Variants in SMYD3 observed in about 807,000 individuals in gnomAD.
SMYD3 encodes SET and MYND domain containing 3, also known as histone-lysine N-methyltransferase SMYD3.
A neutral mutation model predicts 57.7 loss-of-function variants in SMYD3; 36 were observed. The ratio of observed to expected loss-of-function variants is 0.62; its 90% CI spans 0.48 to 0.82. The LOEUF is 0.82. Among genes scored for constraint, SMYD3 ranks in the 40% least tolerant of loss-of-function variants. The probability of loss-of-function intolerance (pLI) is 0.00; values close to 1 mark genes in which losing one functional copy is unlikely to be tolerated. For synonymous variants in SMYD3, 211 were observed against 195.0 expected (o/e 1.08, Z -0.68); for missense variants, 515 against 538.8 (o/e 0.96, Z 0.44).
At chr1:246,174,978 G>T (rs2062409381) in intron 5 of SMYD3, among the ~76,000 whole-genome samples, 1 of 152,188 alleles carries the variant, frequency 6.6e-6, no homozygotes, top group African/African-American at 2.4e-5. Flanking sequence ...ATTAATGAGA[G>T]TGTGGGTTAC....
At chr1:246,374,690 G>A (rs2066244133) in intron 1 of SMYD3, among the ~76,000 whole-genome samples, 1 of 152,170 alleles carries the variant, frequency 6.6e-6, no homozygotes, top group Non-Finnish European at 1.5e-5. Flanking sequence ...TAAATAAGGT[G>A]GCCGGGCATA....
intron 10 of SMYD3, among the ~76,000 whole-genome samples, chr1:245,796,318 C>T (rs1046754740): frequency 6.6e-6 from 1 of 150,858 alleles, no homozygotes; most frequent in East Asian, 1.9e-4. Context: ...ATGAAACATC[C>T]AAATTAATGG....
intron 5 of SMYD3, among the ~76,000 whole-genome samples, chr1:246,300,051 T>C (rs1057424923): frequency 6.6e-6 from 1 of 151,338 alleles, no homozygotes; most frequent in South Asian, 2.1e-4. Flanking sequence ...AAGTTTAACA[T>C]GTTCATACAA....
intron 5 of SMYD3, among the ~76,000 whole-genome samples, chr1:246,003,436 T>C (rs1020044018): frequency 6.6e-6 from 1 of 152,228 alleles, no homozygotes; most frequent in Admixed American, 6.5e-5. Context: ...GATATATTAT[T>C]GAGGAATATG....
chr1:245,909,357 C>T (rs1413409254), intron 8 of SMYD3, among the ~76,000 whole-genome samples: 1 of 152,124 alleles, frequency 6.6e-6, no homozygotes, highest in African/African-American at 2.4e-5. Flanking sequence ...GGCTTCACTG[C>T]TGAATTCTAC....
In SMYD3 at chr1:246,355,054, T is replaced by C; in HGVS notation, c.205A>G (p.Lys69Glu). The C allele has an allele frequency of 1.2e-6, 2 of 1,614,218 alleles. No individual in the cohort carries two copies. Among genetic ancestry groups the C allele is most frequent in the Non-Finnish European group, 1.7e-6 (2 of 1,180,044 alleles). The change falls in exon 2 of 12, where the codon AAA becomes GAA. Residue 69 changes from lysine (K) to glutamate (E), a missense_variant. Physicochemically the swap from Lys to Glu is moderately conservative, Grantham distance 56. Transcript: ENST00000490107. The surrounding 1 kb of genome is among the most constrained non-coding windows in gnomAD (Gnocchi z 5.0). ...ACCTGACACTTAGCACTACAGTATT[T>C]GGCGACGCGGCACTGAGAGCATCGC... The part of the protein sequence containing the change: ...LMRCSQCRVA[K>E]YCSAKCQKKA...
At chr1:245,952,476 T>C (rs1162937234) in intron 5 of SMYD3, among the ~76,000 whole-genome samples, 2 of 152,216 alleles carry the variant, frequency 1.3e-5, no homozygotes, top group Non-Finnish European at 2.9e-5. Context: ...TGCTTGATGA[T>C]AGTTCAGTCC....
intron 1 of SMYD3, among the ~76,000 whole-genome samples, chr1:246,488,512 C>A (rs1473120078): frequency 6.6e-6 from 1 of 152,156 alleles, no homozygotes; most frequent in Non-Finnish European, 1.5e-5. Flanking sequence ...CCTGGTGAAA[C>A]CCTGTCTCCA....
At chr1:246,205,688 C>T (rs962281389) in intron 5 of SMYD3, among the ~76,000 whole-genome samples, 7 of 152,174 alleles carry the variant, frequency 4.6e-5, no homozygotes, top group African/African-American at 1.2e-4. Context: ...GGCATGGTGG[C>T]GAGCGCCTGT....
At chr1:246,205,373 G>A (rs559562597) in intron 5 of SMYD3, among the ~76,000 whole-genome samples, 1 of 152,146 alleles carries the variant, frequency 6.6e-6, no homozygotes. Context: ...CTCCCTCCTG[G>A]AGTCCTTTCC....
chr1:246,217,183 A>G (rs1558322841), intron 5 of SMYD3, among the ~76,000 whole-genome samples: 1 of 152,148 alleles, frequency 6.6e-6, no homozygotes, highest in Non-Finnish European at 1.5e-5. Context: ...AATTAACCTG[A>G]GCAGGATCCA....
intron 1 of SMYD3, among the ~76,000 whole-genome samples, chr1:246,374,498 G>A (rs1202483466): frequency 1.3e-5 from 2 of 151,988 alleles, no homozygotes; most frequent in Non-Finnish European, 2.9e-5. Context: ...CATTTTTCTC[G>A]ATTTGACTGT....
chr1:245,827,542 C>T (rs1227051295), intron 10 of SMYD3, among the ~76,000 whole-genome samples: 1 of 152,198 alleles, frequency 6.6e-6, no homozygotes, highest in Non-Finnish European at 1.5e-5. Flanking sequence ...CTCCCACACG[C>T]ACTCCCGGTA....
intron 5 of SMYD3, among the ~76,000 whole-genome samples, chr1:245,964,198 A>AC (rs748179592): frequency 2.6e-5 from 4 of 152,170 alleles, no homozygotes; most frequent in Non-Finnish European, 5.9e-5. Context: ...GTGTGAACTA[A>AC]CAGAGCAAGA....
At chr1:246,163,336 T>C (rs553343694) in intron 5 of SMYD3, among the ~76,000 whole-genome samples, 5 of 152,358 alleles carry the variant, frequency 3.3e-5, no homozygotes, top group African/African-American at 9.6e-5. Context: ...CACAGCAATA[T>C]GTTCACGTCT....
chr1:246,349,443 C>G (rs774990933), intron 2 of SMYD3, among the ~76,000 whole-genome samples: 2 of 151,938 alleles, frequency 1.3e-5, no homozygotes, highest in Non-Finnish European at 2.9e-5. Context: ...CATCCCCACA[C>G]AAAATACAAA....
chr1:246,464,617 C>T (rs1346554076), intron 1 of SMYD3, among the ~76,000 whole-genome samples: 1 of 152,224 alleles, frequency 6.6e-6, no homozygotes, highest in Non-Finnish European at 1.5e-5. Flanking sequence ...GGTTTAGCCC[C>T]TCCTCTCCAC....
chr1:245,774,664 C>A (rs3000197), intron 10 of SMYD3, among the ~76,000 whole-genome samples: 2 of 130,036 alleles, frequency 1.5e-5, no homozygotes, highest in South Asian at 2.3e-4. Context: ...CTCTTTCCAC[C>A]GTCTCCCTCT....
At chr1:246,243,557 C>G (rs12126547) in intron 5 of SMYD3, among the ~76,000 whole-genome samples, 1 of 151,580 alleles carries the variant, frequency 6.6e-6, no homozygotes, top group East Asian at 2.0e-4. Context: ...CAGATCTTAA[C>G]CCCCAAGTTT....
Sources: gnomAD v4.1 joint callset for allele counts (sites outside exome capture counted in the v4.1 genomes callset) on GRCh38, gnomAD v4.1.1 for gene constraint, Gnocchi (gnomAD v3.1) non-coding constraint, MANE v1.5 for transcripts, NCBI Gene and HGNC (gene_info 2026-07-23, HGNC 2026-07-21) for gene names.